The following FABP12 variants were observed in gnomAD, a reference collection of about 807,000 sequenced individuals.
The protein encoded by FABP12 is fatty acid-binding protein 12.
Under a neutral mutation model 13.7 loss-of-function variants are expected in FABP12, and 19 were observed. That is an observed-to-expected ratio of 1.39 (90% CI 0.97 to 2.04). FABP12 has a LOEUF of 2.04. FABP12 is among the 30% of genes most tolerant of loss of function. The probability of loss-of-function intolerance (pLI) is 0.00; values close to 1 mark genes in which losing one functional copy is unlikely to be tolerated. For synonymous variants in FABP12, 61 were observed against 57.0 expected, an observed-to-expected ratio of 1.07 and a Z score of -0.32; for missense variants, 182 against 164.2, an observed-to-expected ratio of 1.11 and a Z score of -0.59.
At chr8:81,563,692 G>T (rs1308227286) in intron 1 of FABP12, among the ~76,000 whole-genome samples, 2 of 152,020 alleles carry the variant, frequency 1.3e-5, no homozygotes, top group Non-Finnish European at 2.9e-5. Context: ...TAAAGCAAAA[G>T]AATTAGTGAT....
At chr8:81,589,593 A>G (rs1314687356) in intron 1 of FABP12, among the ~76,000 whole-genome samples, 3 of 152,212 alleles carry the variant, frequency 2.0e-5, no homozygotes, top group African/African-American at 7.2e-5. Context: ...AGAAAGATTG[A>G]CAAGCCCCTG....
intron 3 of FABP12, among the ~76,000 whole-genome samples, chr8:81,527,774 C>T (rs1187809110): frequency 6.6e-6 from 1 of 152,136 alleles, no homozygotes; most frequent in Non-Finnish European, 1.5e-5. Flanking sequence ...GCCTGGACAG[C>T]ACAGTGAGAC....
At chr8:81,537,125 A>G (rs1361943123), upstream of FABP12, among the ~76,000 whole-genome samples, 1 of 152,238 alleles carries the variant, frequency 6.6e-6, no homozygotes, top group Non-Finnish European at 1.5e-5. Context: ...GATAATGCCA[A>G]CAGAAAAATT....
chr8:81,553,510 C>T (rs1809557184), intron 1 of FABP12, among the ~76,000 whole-genome samples: 1 of 152,090 alleles, frequency 6.6e-6, no homozygotes. Context: ...TAATTATTAT[C>T]ATTTTTTTCT....
intron 1 of FABP12, among the ~76,000 whole-genome samples, chr8:81,582,174 G>A (rs1175473428): frequency 6.9e-6 from 1 of 145,048 alleles, no homozygotes; most frequent in Non-Finnish European, 1.5e-5. Flanking sequence ...CCAGGCTGGA[G>A]TACAGTGGCA....
At chr8:81,575,761 A>T (rs547851304) in intron 1 of FABP12, among the ~76,000 whole-genome samples, 22 of 152,318 alleles carry the variant, frequency 1.4e-4, no homozygotes, top group African/African-American at 4.8e-4. Context: ...TTTGTCTGAT[A>T]TAAAAATAGC....
chr8:81,528,144 A>G (rs1321535333), intron 3 of FABP12, among the ~76,000 whole-genome samples: 1 of 151,998 alleles, frequency 6.6e-6, no homozygotes, highest in African/African-American at 2.4e-5. Flanking sequence ...CAGTGGTGCA[A>G]TCATGGCTCA....
At chr8:81,589,684 C>T (rs1810291960) in intron 1 of FABP12, among the ~76,000 whole-genome samples, 1 of 152,194 alleles carries the variant, frequency 6.6e-6, no homozygotes, top group African/African-American at 2.4e-5. Context: ...TCTTTTGGCA[C>T]CTCCAGCTCT....
chr8:81,538,812 G>C (rs377348690), upstream of FABP12, among the ~76,000 whole-genome samples: 4 of 151,976 alleles, frequency 2.6e-5, no homozygotes, highest in African/African-American at 9.7e-5. Context: ...AAGAATCTTA[G>C]GGACCTTTAT....
chr8:81,552,963 A>T (rs1809545333), intron 1 of FABP12, among the ~76,000 whole-genome samples: 1 of 152,184 alleles, frequency 6.6e-6, no homozygotes, highest in African/African-American at 2.4e-5. Flanking sequence ...GAAACATGGA[A>T]ATGTGAAGTA....
intron 1 of FABP12, among the ~76,000 whole-genome samples, chr8:81,583,768 A>G (rs1291223016): frequency 6.6e-6 from 1 of 152,186 alleles, no homozygotes; most frequent in Non-Finnish European, 1.5e-5. Flanking sequence ...AAATATTTAA[A>G]GAAAAACTAA....
At chr8:81,531,709 TC>T (rs1191180069) in intron 1 of FABP12, among the ~76,000 whole-genome samples, 57 of 152,328 alleles carry the variant, frequency 3.7e-4, no homozygotes, top group African/African-American at 1.3e-3. Context: ...GGTCTCTCTC[TC>T]TGTCTGTCCA....
At chr8:81,586,924 G>T (rs1004338753) in intron 1 of FABP12, among the ~76,000 whole-genome samples, 5 of 152,038 alleles carry the variant, frequency 3.3e-5, no homozygotes, top group African/African-American at 4.8e-5. Context: ...TTATCGTTTT[G>T]GGTTTGACAT....
chr8:81,556,809 CAG>C (rs1809625172), intron 1 of FABP12, among the ~76,000 whole-genome samples: 1 of 146,606 alleles, frequency 6.8e-6, no homozygotes, highest in Non-Finnish European at 1.5e-5. Context: ...GTGCTTAAAA[CAG>C]TGCCTAGAAC....
upstream of FABP12, among the ~76,000 whole-genome samples, chr8:81,538,324 C>T (rs1253090165): frequency 6.6e-6 from 1 of 152,202 alleles, no homozygotes; most frequent in Non-Finnish European, 1.5e-5. Flanking sequence ...ATGTCTGAAA[C>T]TGTAGTGGGT....
intron 1 of FABP12, among the ~76,000 whole-genome samples, chr8:81,575,849 A>G (rs78590979): frequency 0.053 from 8,128 of 152,192 alleles, 248 homozygotes; most frequent in South Asian, 0.1. Flanking sequence ...TGAACTGCTC[A>G]TGTGAGGGAT....
At chr8:81,530,149 T>C (rs1342520600) in intron 2 of FABP12, among the ~76,000 whole-genome samples, 1 of 152,184 alleles carries the variant, frequency 6.6e-6, no homozygotes, top group African/African-American at 2.4e-5. Flanking sequence ...TCAGTGGTAT[T>C]GAGAACATCA....
At chr8:81,525,097 G>A in exon 5 of FABP12, 5 of 1,591,564 alleles carry the variant, frequency 3.1e-6, no homozygotes, top group Non-Finnish European at 4.3e-6. Context: ...TTCGTGTACA[G>A]ATAACACTGT....
chr8:81,532,352 A>G (rs1809095366), intron 1 of FABP12, among the ~76,000 whole-genome samples: 1 of 152,260 alleles, frequency 6.6e-6, no homozygotes, highest in African/African-American at 2.4e-5. Flanking sequence ...GAATGGGGAC[A>G]TGGCATTTTA....
Sources: allele counts gnomAD v4.1 joint callset (sites outside exome capture counted in the v4.1 genomes callset), GRCh38; gene constraint gnomAD v4.1.1; transcripts MANE v1.5; gene names NCBI Gene and HGNC (gene_info 2026-07-23, HGNC 2026-07-21).